Variants in ERC2 observed in about 807,000 individuals in gnomAD.
ERC2 encodes ELKS/RAB6-interacting/CAST family member 2, also known as ERC protein 2.
A neutral mutation model predicts 114.8 loss-of-function variants in ERC2; 42 were observed. The observed-to-expected ratio is 0.37, with a 90% confidence interval of 0.29 to 0.47. ERC2 has a LOEUF of 0.47. ERC2 is among the 20% of genes least tolerant of loss of function. ERC2 has a pLI of 0.99. For missense variants in ERC2, 939 were observed against 1,150.7 expected (o/e 0.82, Z 2.66); for synonymous variants, 454 against 425.5 (o/e 1.07, Z -0.82).
chr3:55,686,876 T>C (rs1255314774), intron 16 of ERC2, among the ~76,000 whole-genome samples: 1 of 152,210 alleles, frequency 6.6e-6, no homozygotes, highest in South Asian at 2.1e-4. Flanking sequence ...AGAAAGACTC[T>C]AGTCCATCAG....
At chr3:55,649,153 T>G (rs1005798147) in intron 17 of ERC2, among the ~76,000 whole-genome samples, 3 of 152,164 alleles carry the variant, frequency 2.0e-5, no homozygotes, top group African/African-American at 7.2e-5. Context: ...AAGACTTCAC[T>G]TCCCTCTAGG....
intron 14 of ERC2, among the ~76,000 whole-genome samples, chr3:55,882,566 CT>C (rs965065381): frequency 2.0e-5 from 3 of 152,304 alleles, no homozygotes; most frequent in African/African-American, 7.2e-5. Flanking sequence ...CATGTACAGA[CT>C]TTTTTTCTTG....
At chr3:55,808,701 T>TATATA (rs2059584205) in intron 14 of ERC2, among the ~76,000 whole-genome samples, 2 of 61,738 alleles carry the variant, frequency 3.2e-5, no homozygotes, top group Admixed American at 2.2e-4. Context: ...TACCATAATT[T>TATATA]TATATATATA....
At chr3:56,142,011 T>C (rs2080885250) in intron 5 of ERC2, among the ~76,000 whole-genome samples, 1 of 152,238 alleles carries the variant, frequency 6.6e-6, no homozygotes, top group African/African-American at 2.4e-5. Context: ...ATTGGAATTT[T>C]TTTTTTACAC....
chr3:56,296,261 A>G lies in ERC2; in HGVS notation c.832T>C (p.Phe278Leu). Residue 278 changes from phenylalanine (F) to leucine (L), a missense_variant, in exon 3 of 18, where the codon TTC (phenylalanine) becomes CTC (leucine). By Grantham distance (22) the Phe-to-Leu change is conservative. This residue lies in a region of ERC2 where 33 missense variants were observed against 75.6 expected (regional missense o/e 0.44). Coordinates refer to ENST00000288221, the MANE Select transcript of ERC2 (RefSeq NM_015576.3). ...TCCTCTAATGTCTTCCTCAAAAGGA[A>G]CAGCTCCTTAGCCTGCCTGTCATGC... ...AEHDRQAKEL[F>L]LLRKTLEEME... The G allele has an allele frequency of 6.2e-7, 1 of 1,614,020 alleles. No individual in the cohort carries two copies. The highest frequency in any genetic ancestry group is 8.5e-7 in the Non-Finnish European group (1 of 1,179,894).
chr3:56,231,077 C>T (rs113360710), intron 3 of ERC2, among the ~76,000 whole-genome samples: 185 of 152,266 alleles, frequency 1.2e-3, no homozygotes, highest in African/African-American at 4.4e-3. Flanking sequence ...AGGCTTAGAC[C>T]TATTTTAGTT....
chr3:55,701,473 A>G (rs1053292582), intron 15 of ERC2, among the ~76,000 whole-genome samples: 10 of 152,178 alleles, frequency 6.6e-5, no homozygotes, highest in Non-Finnish European at 1.5e-4. Flanking sequence ...TCTATCTGCC[A>G]GAGGATGTCT....
At chr3:56,302,764 CTT>C (rs1480222343) in intron 2 of ERC2, among the ~76,000 whole-genome samples, 1 of 152,240 alleles carries the variant, frequency 6.6e-6, no homozygotes, top group African/African-American at 2.4e-5. Context: ...AGGGCCATCT[CTT>C]TGGAATCTCC....
intron 14 of ERC2, among the ~76,000 whole-genome samples, chr3:55,743,079 C>A (rs1575454461): frequency 1.3e-5 from 2 of 152,202 alleles, no homozygotes; most frequent in Non-Finnish European, 2.9e-5. Context: ...CCACCTAAAA[C>A]TGACCTCAAA....
chr3:55,641,108 T>A (rs1338077019), intron 17 of ERC2, among the ~76,000 whole-genome samples: 1 of 152,130 alleles, frequency 6.6e-6, no homozygotes, highest in Non-Finnish European at 1.5e-5. Context: ...TTATGGGGAA[T>A]CTTACAATAG....
intron 3 of ERC2, among the ~76,000 whole-genome samples, chr3:56,278,151 G>GACAACA (rs1440346088): frequency 6.6e-6 from 1 of 152,198 alleles, no homozygotes; most frequent in African/African-American, 2.4e-5. Context: ...TCATGATGAT[G>GACAACA]ACAACAACAA....
At chr3:56,150,605 T>C in intron 4 of ERC2, among the ~76,000 whole-genome samples, 1 of 152,352 alleles carries the variant, frequency 6.6e-6, no homozygotes, top group East Asian at 1.9e-4. Context: ...ATACCTATTG[T>C]ATTTTTTCAG....
At chr3:56,077,098 A>G (rs561646289) in intron 7 of ERC2, among the ~76,000 whole-genome samples, 2 of 152,304 alleles carry the variant, frequency 1.3e-5, no homozygotes, top group Admixed American at 6.5e-5. Flanking sequence ...AAAACAGCCA[A>G]TTATGCTGAA....
Position 56,092,860 on chromosome 3 carries a change from A to C in ERC2, c.1474-11876T>G, listed in dbSNP as rs573418004. 7.2e-5 allele frequency among the ~76,000 whole-genome samples: 11 copies of C among 152,324 alleles called. No homozygotes were observed. In the South Asian group the frequency reaches 2.1e-3, roughly 29 times the overall value. ...CCCTTCAGGTAAGCACATTAAATGT[A>C]AGCACGAAATTGTGTTTTAACATAA... On this transcript the variant is annotated intron_variant, in intron 6 of 17. Transcript: ENST00000288221.
rs564227517 is a variant in ERC2 at position 56,244,723 on chromosome 3, T to C, written c.1074+51296A>G. Among the ~76,000 whole-genome samples, 4 of 152,342 alleles carry C rather than the reference T, an allele frequency of 2.6e-5. No homozygotes were observed. The South Asian group carries it at 6.2e-4, about 24-fold the overall frequency. On this transcript the variant is annotated intron_variant, in intron 3 of 17. Coordinates refer to ENST00000288221, the MANE Select transcript of ERC2 (RefSeq NM_015576.3). ...AAATTTACAGTAAGCTAAAAAAGTTTAATAAATTTAGTATAACCTAAGTGT... is the reference window on the plus strand; with the variant it reads ...AAATTTACAGTAAGCTAAAAAAGTTCAATAAATTTAGTATAACCTAAGTGT...
intron 14 of ERC2, among the ~76,000 whole-genome samples, chr3:55,821,529 G>C (rs181368487): frequency 3.9e-5 from 6 of 152,278 alleles, no homozygotes; most frequent in African/African-American, 1.4e-4. Context: ...AACCTGTGTT[G>C]AGATTGAAAC....
intron 14 of ERC2, among the ~76,000 whole-genome samples, chr3:55,849,551 G>T: frequency 6.6e-6 from 1 of 152,082 alleles, no homozygotes; most frequent in East Asian, 1.9e-4. Flanking sequence ...TCTCAAATTT[G>T]GATGTAATAG....
chr3:56,091,959 CA>C lies in ERC2; in HGVS notation c.1474-10976del, dbSNP rs544364537. ...AGCAGTCAAAAATTTACACACTTGA[CA>C]AGAGAAAAAAAACCTATATTATATT... On this transcript the variant is annotated intron_variant, in intron 6 of 17. Coordinates refer to ENST00000288221, the MANE Select transcript of ERC2 (RefSeq NM_015576.3). 2.5e-3 allele frequency among the ~76,000 whole-genome samples: 346 copies of C among 139,290 alleles called. 5 individuals are homozygous for C. Among genetic ancestry groups the C allele is most frequent in the South Asian group, 6.1e-3 (26 of 4,266 alleles). 91.4% of individuals were successfully genotyped at this position (139,290 alleles called of 152,430 possible).
At chr3:56,154,950 T>C (rs1051873338) in intron 4 of ERC2, among the ~76,000 whole-genome samples, 1 of 152,198 alleles carries the variant, frequency 6.6e-6, no homozygotes, top group African/African-American at 2.4e-5. Flanking sequence ...TATTTCATCC[T>C]GTTAAACTTT....
Sources: allele counts gnomAD v4.1 joint callset (sites outside exome capture counted in the v4.1 genomes callset), GRCh38; gene constraint gnomAD v4.1.1; regional missense constraint gnomAD v4.1.1; transcripts MANE v1.5; gene names NCBI Gene and HGNC (gene_info 2026-07-23, HGNC 2026-07-21).